Variants in TSPAN5 observed in about 807,000 individuals in gnomAD.
TSPAN5 encodes the protein tetraspanin-5.
In TSPAN5, 10 loss-of-function variants were observed where a neutral mutation model predicts 37.1. The observed-to-expected ratio is 0.27, with a 90% CI of 0.17 to 0.46. The LOEUF is 0.46. Ranked by LOEUF, TSPAN5 falls within the 20% of genes least tolerant of loss-of-function variation. TSPAN5 has a pLI of 1.00. For missense variants in TSPAN5, 195 were observed against 326.6 expected (o/e 0.60, Z 3.11); for synonymous variants, 110 against 118.9 (o/e 0.93, Z 0.48).
chr4:98,582,221 A>G (rs1396291330), intron 1 of TSPAN5, among the ~76,000 whole-genome samples: 1 of 152,204 alleles, frequency 6.6e-6, no homozygotes, highest in African/African-American at 2.4e-5. Context: ...TCTCCCCTGT[A>G]TGTAAGCCCC....
At chr4:98,559,376 G>C (rs1170488259) in intron 1 of TSPAN5, among the ~76,000 whole-genome samples, 1 of 152,172 alleles carries the variant, frequency 6.6e-6, no homozygotes, top group Non-Finnish European at 1.5e-5. Context: ...ACGGGGAAAA[G>C]TTAGTATCTT....
intron 1 of TSPAN5, among the ~76,000 whole-genome samples, chr4:98,584,439 C>A (rs1167270182): frequency 6.6e-6 from 1 of 152,192 alleles, no homozygotes; most frequent in East Asian, 1.9e-4. Context: ...GTTTCCCAAG[C>A]ATGTTCACAG....
intron 1 of TSPAN5, among the ~76,000 whole-genome samples, chr4:98,627,121 A>C (rs1756624308): frequency 6.6e-6 from 1 of 152,082 alleles, no homozygotes; most frequent in South Asian, 2.1e-4. Context: ...TCAAGGAAGG[A>C]CAGAAAACAT....
intron 1 of TSPAN5, among the ~76,000 whole-genome samples, chr4:98,642,573 C>T (rs894395114): frequency 3.3e-5 from 5 of 152,024 alleles, no homozygotes; most frequent in African/African-American, 9.7e-5. Context: ...AGAGGTGATA[C>T]GGTCATTTAG....
intron 1 of TSPAN5, among the ~76,000 whole-genome samples, chr4:98,647,949 C>T (rs1034411682): frequency 1.3e-5 from 2 of 151,352 alleles, no homozygotes; most frequent in Non-Finnish European, 2.9e-5. Context: ...TGTTATTTTT[C>T]AAGATTTCTA....
intron 1 of TSPAN5, among the ~76,000 whole-genome samples, chr4:98,643,732 CAT>C (rs1757004878): frequency 6.6e-6 from 1 of 152,202 alleles, no homozygotes. Flanking sequence ...GAAAATGCCA[CAT>C]ATAGTTGTAT....
At chr4:98,545,206 T>C (rs982054009) in intron 1 of TSPAN5, among the ~76,000 whole-genome samples, 7 of 152,236 alleles carry the variant, frequency 4.6e-5, no homozygotes, top group African/African-American at 1.4e-4. Context: ...AGCTGGTGGC[T>C]GTTTCTGCCA....
intron 3 of TSPAN5, chr4:98,482,798 G>T (rs918913327): frequency 2.0e-5 from 3 of 152,184 alleles, no homozygotes; most frequent in African/African-American, 7.2e-5. Flanking sequence ...TGAAACCCCT[G>T]AGTTGAGGGC....
At chr4:98,557,568 A>T (rs1322663854) in intron 1 of TSPAN5, among the ~76,000 whole-genome samples, 1 of 152,230 alleles carries the variant, frequency 6.6e-6, no homozygotes, top group Non-Finnish European at 1.5e-5. Flanking sequence ...TACAACTGAG[A>T]ATTCCAAATA....
At chr4:98,557,470 G>C (rs1448329346) in intron 1 of TSPAN5, among the ~76,000 whole-genome samples, 4 of 152,178 alleles carry the variant, frequency 2.6e-5, no homozygotes, top group African/African-American at 9.7e-5. Flanking sequence ...ATGTTCATCA[G>C]ACCACATTTG....
At chr4:98,580,814 G>A (rs529097691) in intron 1 of TSPAN5, among the ~76,000 whole-genome samples, 2 of 152,302 alleles carry the variant, frequency 1.3e-5, no homozygotes, top group Admixed American at 6.5e-5. Context: ...CGTACAGGAA[G>A]AAGACAGTTT....
Position 98,658,137 on chromosome 4 carries a change from C to T in TSPAN5, c.81+9G>A. 6.2e-7 allele frequency: 1 copy of T among 1,612,190 alleles called. No individual in the cohort carries two copies. Among genetic ancestry groups the T allele is most frequent in the Non-Finnish European group, 8.5e-7 (1 of 1,178,256 alleles). On this transcript the variant is annotated intron_variant, in intron 1 of 7. Coordinates refer to ENST00000305798, the MANE Select transcript of TSPAN5 (RefSeq NM_005723.4). ...CAATAGTTGGAATCCCAGGAGCGCTCCAACTTACCCAAAATATGACATTGA... is the reference window on the plus strand; with the variant it reads ...CAATAGTTGGAATCCCAGGAGCGCTTCAACTTACCCAAAATATGACATTGA...
intron 1 of TSPAN5, among the ~76,000 whole-genome samples, chr4:98,584,338 A>G (rs563053920): frequency 4.6e-5 from 7 of 152,312 alleles, no homozygotes; most frequent in Non-Finnish European, 8.8e-5. Context: ...GAAAATACTC[A>G]TTTCTTTTTA....
chr4:98,481,019 G>A lies in TSPAN5; in HGVS notation c.450+986C>T, dbSNP rs192484785. Among the ~76,000 whole-genome samples, 199 of 151,978 alleles carry A rather than the reference G, an allele frequency of 1.3e-3. 1 individual carries two copies. Among genetic ancestry groups the A allele is most frequent in the African/African-American group, 4.5e-3 (185 of 41,448 alleles). Reference sequence around the variant, plus strand: ...ACTATCCAACCCCAAGAAGGCTACCGTTCACTGGGCTTCTGCTTGCCCTCC... The same window carrying A: ...ACTATCCAACCCCAAGAAGGCTACCATTCACTGGGCTTCTGCTTGCCCTCC... On this transcript the variant is annotated intron_variant, in intron 4 of 7. Transcript: ENST00000305798.
Position 98,587,001 on chromosome 4 carries a change from C to T in TSPAN5, c.81+71145G>A, listed in dbSNP as rs145858172. ...GACAAAGGCAGGGAATTGAATGCAC[C>T]GGCAGTTGGGAGGCAGGGTGGGGCA... is the stretch of plus-strand genomic sequence containing the variant. On this transcript the variant is annotated intron_variant, in intron 1 of 7. Transcript: ENST00000305798. 4.8e-3 allele frequency among the ~76,000 whole-genome samples: 725 copies of T among 152,258 alleles called. 4 individuals are homozygous for T. Among genetic ancestry groups the T allele is most frequent in the African/African-American group, 0.017 (690 of 41,548 alleles).
chr4:98,509,729 A>G (rs1033471368), intron 1 of TSPAN5: 11 of 152,234 alleles, frequency 7.2e-5, no homozygotes, highest in Admixed American at 7.2e-4. Flanking sequence ...TGAATCTCCA[A>G]AAGACTCAAA....
chr4:98,599,719 T>A (rs1236324999), intron 1 of TSPAN5, among the ~76,000 whole-genome samples: 5 of 152,238 alleles, frequency 3.3e-5, no homozygotes, highest in Admixed American at 3.3e-4. Context: ...ACTGCACAAT[T>A]TTTCTGGAAT....
intron 1 of TSPAN5, among the ~76,000 whole-genome samples, chr4:98,624,947 T>G (rs1756562487): frequency 6.6e-6 from 1 of 152,182 alleles, no homozygotes; most frequent in Non-Finnish European, 1.5e-5. Flanking sequence ...TGAACGTATT[T>G]TTAGACACAA....
rs964422256 is a variant in TSPAN5, at chr4:98,542,097, T to G, written c.82-34369A>C. Among the ~76,000 whole-genome samples the G allele has an allele frequency of 2.0e-5, 3 of 152,268 alleles. No individual in the cohort carries two copies. The East Asian group carries it at 5.8e-4, about 29-fold the overall frequency. On this transcript the variant is annotated intron_variant, in intron 1 of 7. Transcript: ENST00000305798. ...TTGTCCTCTCTGTACATAACTTCCCTCATCTGTGTAAAGGGATAATAATAT... is the reference window on the plus strand; with the variant it reads ...TTGTCCTCTCTGTACATAACTTCCCGCATCTGTGTAAAGGGATAATAATAT...
Sources: allele counts gnomAD v4.1 joint callset (sites outside exome capture counted in the v4.1 genomes callset), GRCh38; gene constraint gnomAD v4.1.1; transcripts MANE v1.5; gene names NCBI Gene and HGNC (gene_info 2026-07-23, HGNC 2026-07-21).